CACNA2D1: variants seen among roughly 807,000 people sequenced by gnomAD.
CACNA2D1 encodes the protein calcium voltage-gated channel auxiliary subunit alpha2delta 1, also known as voltage-dependent calcium channel subunit alpha-2/delta-1.
In CACNA2D1, 53 loss-of-function variants were observed where a neutral mutation model predicts 171.5. The ratio of observed to expected loss-of-function variants is 0.31; its 90% CI spans 0.25 to 0.39. CACNA2D1 has a LOEUF of 0.39. CACNA2D1 is among the 10% of genes least tolerant of loss of function. The pLI, the probability that CACNA2D1 is intolerant of heterozygous loss-of-function variation, is 1.00. For synonymous variants in CACNA2D1, 442 were observed against 443.1 expected (o/e 1.00, Z 0.03); for missense variants, 903 against 1,299.8 (o/e 0.69, Z 4.69).
intron 18 of CACNA2D1, among the ~76,000 whole-genome samples, chr7:82,004,862 G>A (rs1045760550): frequency 1.4e-4 from 21 of 152,172 alleles, no homozygotes; most frequent in African/African-American, 4.6e-4. Context: ...ATGGTTCATC[G>A]ATGGCATTTT....
chr7:82,195,528 T>A (rs1798758580), intron 3 of CACNA2D1, among the ~76,000 whole-genome samples: 1 of 151,986 alleles, frequency 6.6e-6, no homozygotes, highest in Admixed American at 6.6e-5. Context: ...ACTGGATTTT[T>A]GTTTTTAGGT....
chr7:82,062,944 G>A (rs1174307554), intron 9 of CACNA2D1, among the ~76,000 whole-genome samples: 2 of 151,620 alleles, frequency 1.3e-5, no homozygotes, highest in Non-Finnish European at 2.9e-5. Flanking sequence ...ATGAGATATT[G>A]CTTTGTTGCT....
chr7:82,101,458 G>A (rs1812675157), intron 6 of CACNA2D1, among the ~76,000 whole-genome samples: 1 of 152,028 alleles, frequency 6.6e-6, no homozygotes, highest in Non-Finnish European at 1.5e-5. Context: ...GAAGTAATAA[G>A]ACAAATGAAA....
intron 7 of CACNA2D1, 38 bp downstream of exon 7, chr7:82,084,731 G>A (rs373608869): frequency 6.2e-7 from 1 of 1,611,118 alleles, no homozygotes; most frequent in Non-Finnish European, 8.5e-7. Context: ...AAACATTGAG[G>A]CTGGAACTTG....
intron 3 of CACNA2D1, among the ~76,000 whole-genome samples, chr7:82,178,185 A>T (rs1282630710): frequency 1.3e-5 from 2 of 152,070 alleles, no homozygotes; most frequent in Non-Finnish European, 2.9e-5. Flanking sequence ...TAGCTTCTGG[A>T]GTGTGTCCTA....
intron 6 of CACNA2D1, among the ~76,000 whole-genome samples, chr7:82,096,336 G>C (rs1280987929): frequency 6.6e-6 from 1 of 152,060 alleles, no homozygotes; most frequent in Non-Finnish European, 1.5e-5. Flanking sequence ...CTATACCCGA[G>C]CTCCAGGGCC....
At chr7:82,151,150 T>C (rs1793817013) in intron 4 of CACNA2D1, among the ~76,000 whole-genome samples, 1 of 152,162 alleles carries the variant, frequency 6.6e-6, no homozygotes, top group Non-Finnish European at 1.5e-5. Flanking sequence ...TTGTATTCTT[T>C]ATTTCATCTC....
At chr7:82,387,577 T>G (rs1824552300) in intron 1 of CACNA2D1, among the ~76,000 whole-genome samples, 1 of 152,208 alleles carries the variant, frequency 6.6e-6, no homozygotes, top group Non-Finnish European at 1.5e-5. Flanking sequence ...TATATTGATA[T>G]GATGTTCTAA....
intron 10 of CACNA2D1, among the ~76,000 whole-genome samples, chr7:82,054,958 G>T (rs1805627237): frequency 6.6e-6 from 1 of 152,166 alleles, no homozygotes; most frequent in Non-Finnish European, 1.5e-5. Context: ...CCTTATGTCA[G>T]CCAACTATCA....
chr7:82,302,194 T>G (rs1054782286), intron 3 of CACNA2D1, among the ~76,000 whole-genome samples: 49 of 152,208 alleles, frequency 3.2e-4, no homozygotes, highest in Non-Finnish European at 5.9e-4. Context: ...ATTTTGGGGG[T>G]TTTTGGTGAT....
chr7:82,392,124 C>G (rs991451067), intron 1 of CACNA2D1, among the ~76,000 whole-genome samples: 1 of 152,206 alleles, frequency 6.6e-6, no homozygotes, highest in Non-Finnish European at 1.5e-5. Flanking sequence ...ACACTTTCCT[C>G]TGATTGATCC....
chr7:82,198,628 C>T (rs904946412), intron 3 of CACNA2D1, among the ~76,000 whole-genome samples: 22 of 151,684 alleles, frequency 1.5e-4, no homozygotes, highest in African/African-American at 5.3e-4. Flanking sequence ...CAAGTGGGCC[C>T]CTTCTATTTT....
chr7:82,026,049 T>TA (rs1166881967), intron 12 of CACNA2D1, among the ~76,000 whole-genome samples: 1 of 146,092 alleles, frequency 6.8e-6, no homozygotes, highest in African/African-American at 2.5e-5. Flanking sequence ...TCGTGTCAGT[T>TA]TTTTTTTTTT....
intron 5 of CACNA2D1, among the ~76,000 whole-genome samples, chr7:82,135,926 A>AT (rs1327329779): frequency 1.3e-5 from 2 of 152,122 alleles, no homozygotes; most frequent in Non-Finnish European, 2.9e-5. Context: ...ATACATAGGC[A>AT]TTTTTTTGAT....
intron 7 of CACNA2D1, among the ~76,000 whole-genome samples, chr7:82,075,764 AT>A (rs1012246077): frequency 6.6e-6 from 1 of 152,194 alleles, no homozygotes; most frequent in African/African-American, 2.4e-5. Flanking sequence ...TGACAAAAAA[AT>A]CTTTTTAATT....
chr7:81,974,524 C>A lies in CACNA2D1; in HGVS notation c.1984G>T (p.Asp662Tyr). ...RDYCNDLKIS[D>Y]NNTEFLLNFN... ...TTTAAAAGAAATTCAGTGTTATTAT[C>A]CGATATTTTCAGGTCATTGCAGTAA... Residue 662 changes from aspartate (D) to tyrosine (Y), a missense_variant, in exon 25 of 39, where the codon GAT (aspartate) becomes TAT (tyrosine). Around this residue, in one of 5 missense-constraint regions of CACNA2D1, gnomAD observed 623 missense variants for 925.5 expected, o/e 0.67. Transcript: ENST00000356860. 6.4e-7 allele frequency: 1 copy of A among 1,568,186 alleles called. No individual in the cohort carries two copies. Among genetic ancestry groups the A allele is most frequent in the Admixed American group, 1.7e-5 (1 of 59,608 alleles).
chr7:82,401,769 T>C (rs1826454092), intron 1 of CACNA2D1, among the ~76,000 whole-genome samples: 1 of 152,140 alleles, frequency 6.6e-6, no homozygotes, highest in Non-Finnish European at 1.5e-5. Flanking sequence ...CTCAAAATGC[T>C]GACTTCTAGA....
intron 24 of CACNA2D1, among the ~76,000 whole-genome samples, chr7:81,979,768 T>C (rs1422898230): frequency 6.6e-6 from 1 of 152,188 alleles, no homozygotes; most frequent in Non-Finnish European, 1.5e-5. Flanking sequence ...GTGACTTGTG[T>C]CCAAAAACTA....
rs753738337 is a variant in CACNA2D1 at position 81,959,693 on chromosome 7, C to T, written c.3076+27G>A. 24 of 1,602,292 alleles carry T rather than the reference C, an allele frequency of 1.5e-5. No homozygotes were observed. The South Asian group carries it at 2.7e-4, about 18-fold the overall frequency. The stretch of plus-strand genomic sequence containing the variant: ...AAATGCATTAAGATGGTTTTCCTTT[C>T]CAGATAGCTCTGATGTCAAAGGATA... On this transcript the variant is annotated intron_variant, in intron 37 of 38. Transcript: ENST00000356860.
Sources: allele counts gnomAD v4.1 joint callset (sites outside exome capture counted in the v4.1 genomes callset), GRCh38; gene constraint gnomAD v4.1.1; regional missense constraint gnomAD v4.1.1; transcripts MANE v1.5; gene names NCBI Gene and HGNC (gene_info 2026-07-23, HGNC 2026-07-21).